CRISP1: variants seen among roughly 807,000 people sequenced by gnomAD.
CRISP1 encodes the protein cysteine rich secretory protein 1.
Under a neutral mutation model 33.1 loss-of-function variants are expected in CRISP1, and 44 were observed. The observed-to-expected ratio is 1.33, with a 90% CI of 1.05 to 1.71. The LOEUF is 1.71. Among genes scored for constraint, CRISP1 ranks in the 40% most tolerant of loss-of-function variants. CRISP1 has a pLI of 0.00. For synonymous variants in CRISP1, 103 were observed against 98.7 expected (o/e 1.04, Z -0.26); for missense variants, 390 against 301.2 (o/e 1.29, Z -2.18).
At chr6:49,854,760 C>T (rs781711081) in intron 2 of CRISP1, among the ~76,000 whole-genome samples, 1 of 152,132 alleles carries the variant, frequency 6.6e-6, no homozygotes, top group Non-Finnish European at 1.5e-5. Context: ...ACCTGCCCTG[C>T]TGCTTAGGCA....
chr6:49,854,693 C>T (rs964819828), intron 2 of CRISP1, among the ~76,000 whole-genome samples: 12 of 152,166 alleles, frequency 7.9e-5, no homozygotes, highest in African/African-American at 2.9e-4. Flanking sequence ...GTAATAGAGC[C>T]TCGCATTTAC....
intron 5 of CRISP1, among the ~76,000 whole-genome samples, chr6:49,841,269 T>C (rs1309552355): frequency 1.3e-5 from 2 of 152,182 alleles, no homozygotes; most frequent in African/African-American, 4.8e-5. Flanking sequence ...CTATTTTTTG[T>C]CAGTTTTTCT....
rs148365872 is a variant in CRISP1 at position 49,861,444 on chromosome 6, C to T, written c.-2-4042G>A. 5.6e-3 allele frequency among the ~76,000 whole-genome samples: 858 copies of T among 152,222 alleles called. 16 individuals are homozygous for T. The highest frequency in any genetic ancestry group is 0.02 in the African/African-American group (816 of 41,554). On this transcript the variant is annotated intron_variant, in intron 1 of 7. Coordinates refer to ENST00000335847, the MANE Select transcript of CRISP1 (RefSeq NM_001131.3). ...TAGCAGGGATGCAAGGATGGTTCAA[C>T]ATATGCAAATCAATAAATGTGACAT...
chr6:49,835,286 C>G lies in CRISP1; in HGVS notation c.*30G>C, dbSNP rs369127274. ...AACAGACATCTCCTCCTCATCGTCACAGCATAGAACAGTTGAAAATAACAA... is the reference window on the plus strand; with the variant it reads ...AACAGACATCTCCTCCTCATCGTCAGAGCATAGAACAGTTGAAAATAACAA... On this transcript the variant is annotated 3_prime_UTR_variant, in exon 8 of 8. Coordinates refer to ENST00000335847, the MANE Select transcript of CRISP1 (RefSeq NM_001131.3). 2 of 1,605,474 alleles carry G rather than the reference C, an allele frequency of 1.2e-6. No homozygotes were observed. Among genetic ancestry groups the G allele is most frequent in the South Asian group, 1.1e-5 (1 of 89,656 alleles).
intron 5 of CRISP1, 81 bp downstream of exon 5, chr6:49,846,439 T>C: frequency 7.1e-7 from 1 of 1,400,530 alleles, no homozygotes; most frequent in Non-Finnish European, 9.8e-7. Flanking sequence ...GGTAGAATGA[T>C]TTTCAGTTGT....
intron 6 of CRISP1, 59 bp downstream of exon 6, chr6:49,840,839 G>A: frequency 1.5e-6 from 2 of 1,358,124 alleles, no homozygotes; most frequent in South Asian, 1.2e-5. Context: ...AACAATGTTT[G>A]AAAAACTAGA....
Position 49,848,216 on chromosome 6 carries a change from T to C in CRISP1, c.279A>G (p.Arg93=), listed in dbSNP as rs745753014. ...DMTESNPLER[R]LPNTFCGENM... ...ATATAGATACACACTTACTTGGAAGTCTCCTCTCAAGGGGGTTGCTCTCTG... is the reference window on the plus strand; with the variant it reads ...ATATAGATACACACTTACTTGGAAGCCTCCTCTCAAGGGGGTTGCTCTCTG... Residue 93 remains arginine (R), a synonymous_variant, in exon 4 of 8, where the codon AGA becomes AGG. Transcript: ENST00000335847. The C allele has an allele frequency of 2.5e-6, 4 of 1,579,744 alleles. No homozygotes were observed. The highest frequency in any genetic ancestry group is 3.4e-6 in the Non-Finnish European group (4 of 1,165,508).
intron 1 of CRISP1, among the ~76,000 whole-genome samples, chr6:49,872,668 C>T (rs1405106167): frequency 2.0e-5 from 3 of 152,242 alleles, no homozygotes; most frequent in East Asian, 3.9e-4. Context: ...ATCGTTTCCC[C>T]ATTTCTTGTT....
At chr6:49,876,754 A>G (rs533064917) in intron 1 of CRISP1, among the ~76,000 whole-genome samples, 1 of 152,144 alleles carries the variant, frequency 6.6e-6, no homozygotes, top group East Asian at 1.9e-4. Flanking sequence ...AGGACTTGGA[A>G]ACCATTATCC....
chr6:49,841,112 A>G, intron 5 of CRISP1, 117 bp from the exon 6 acceptor site: 1 of 873,520 alleles, frequency 1.1e-6, no homozygotes. Flanking sequence ...TACTTTGGGC[A>G]TGGCTTAATA....
intron 1 of CRISP1, among the ~76,000 whole-genome samples, chr6:49,864,377 C>T (rs866335100): frequency 7.3e-6 from 1 of 137,004 alleles, no homozygotes; most frequent in African/African-American, 2.7e-5. Context: ...AACACTGTTG[C>T]TATTCACTGT....
At chr6:49,853,900 C>A (rs1771422288) in intron 2 of CRISP1, among the ~76,000 whole-genome samples, 1 of 152,138 alleles carries the variant, frequency 6.6e-6, no homozygotes, top group African/African-American at 2.4e-5. Flanking sequence ...TCTCACAAAA[C>A]AAAACAACAC....
intron 7 of CRISP1, among the ~76,000 whole-genome samples, chr6:49,836,273 A>G (rs1029680716): frequency 9.2e-5 from 14 of 152,028 alleles, no homozygotes; most frequent in Admixed American, 9.2e-4. Flanking sequence ...TTATCCTTCA[A>G]TTATAAAGTT....
At chr6:49,868,657 C>T (rs1382649102), upstream of CRISP1, among the ~76,000 whole-genome samples, 1 of 152,002 alleles carries the variant, frequency 6.6e-6, no homozygotes, top group Non-Finnish European at 1.5e-5. Context: ...TTCTAATTAT[C>T]CACTGGACAC....
intron 2 of CRISP1, among the ~76,000 whole-genome samples, chr6:49,854,809 G>A (rs1236929260): frequency 1.3e-5 from 2 of 152,108 alleles, no homozygotes; most frequent in Admixed American, 6.6e-5. Context: ...TGTCGTGATG[G>A]GCATGATAGG....
intron 7 of CRISP1, 32 bp downstream of exon 7, chr6:49,838,405 A>G: frequency 2.0e-6 from 3 of 1,506,188 alleles, no homozygotes; most frequent in Non-Finnish European, 2.8e-6. Flanking sequence ...CAATGGGTTA[A>G]CTGTAAACAA....
intron 3 of CRISP1, among the ~76,000 whole-genome samples, chr6:49,848,603 T>C (rs1771258494): frequency 6.6e-6 from 1 of 152,142 alleles, no homozygotes; most frequent in Non-Finnish European, 1.5e-5. Flanking sequence ...TACTTAGTAA[T>C]TTATTTGTAG....
chr6:49,848,162 T>A (rs75730755), intron 4 of CRISP1, 47 bp downstream of exon 4: 3 of 678,030 alleles, frequency 4.4e-6, no homozygotes, highest in Non-Finnish European at 6.4e-6. Context: ...GTTTTACTAT[T>A]TTTTTTTTTT....
intron 1 of CRISP1, among the ~76,000 whole-genome samples, chr6:49,872,109 A>G (rs530719528): frequency 2.6e-5 from 4 of 152,094 alleles, no homozygotes; most frequent in Non-Finnish European, 5.9e-5. Flanking sequence ...GTGTGAGATG[A>G]TATCTCATTG....
Sources: allele counts gnomAD v4.1 joint callset (sites outside exome capture counted in the v4.1 genomes callset), GRCh38; gene constraint gnomAD v4.1.1; transcripts MANE v1.5; gene names NCBI Gene and HGNC (gene_info 2026-07-23, HGNC 2026-07-21).